The following DNAH9 variants were observed in gnomAD, a reference collection of about 807,000 sequenced individuals.
The protein encoded by DNAH9 is DNAH9 variant protein.
DNAH9 carries 345 observed loss-of-function variants against 471.6 expected under a neutral mutation model. The ratio of observed to expected loss-of-function variants is 0.73; its 90% CI spans 0.67 to 0.80. DNAH9 has a LOEUF of 0.80. Ranked by LOEUF, DNAH9 falls within the 30% of genes least tolerant of loss-of-function variation. DNAH9 has a pLI of 0.00. For missense variants in DNAH9, 5,407 were observed against 5,609.2 expected (o/e 0.96, Z 1.15); for synonymous variants, 2,093 against 2,123.6 (o/e 0.99, Z 0.40).
At chr17:11,673,605 T>TG (rs983387508) in intron 17 of DNAH9, among the ~76,000 whole-genome samples, 2 of 151,264 alleles carry the variant, frequency 1.3e-5, no homozygotes, top group African/African-American at 4.8e-5. Context: ...ATATTTGTTT[T>TG]TTTTTTTTTT....
At chr17:11,809,508 A>G (rs1969810882) in intron 44 of DNAH9, among the ~76,000 whole-genome samples, 1 of 152,054 alleles carries the variant, frequency 6.6e-6, no homozygotes, top group African/African-American at 2.4e-5. Flanking sequence ...CGGAGCTTGC[A>G]GTGAGCCGAG....
chr17:11,635,996 A>G (rs9907523), intron 8 of DNAH9, among the ~76,000 whole-genome samples: 21,503 of 73,978 alleles, frequency 0.29, 4,362 homozygotes, highest in African/African-American at 0.59. Context: ...TTGTTTGTTT[A>G]TTTGTTTGTT....
chr17:11,743,043 T>G (rs1423641090), intron 30 of DNAH9, among the ~76,000 whole-genome samples: 1 of 152,092 alleles, frequency 6.6e-6, no homozygotes, highest in African/African-American at 2.4e-5. Flanking sequence ...TCTTCTGAGC[T>G]CTAAACCTGT....
At chr17:11,814,643 T>A (rs535928929) in intron 45 of DNAH9, among the ~76,000 whole-genome samples, 1 of 152,314 alleles carries the variant, frequency 6.6e-6, no homozygotes, top group South Asian at 2.1e-4. Context: ...TTATAACCAA[T>A]GGGGTCCCTC....
chr17:11,814,220 CTAATT>C (rs1463073568), intron 45 of DNAH9, among the ~76,000 whole-genome samples: 2 of 152,158 alleles, frequency 1.3e-5, no homozygotes, highest in African/African-American at 2.4e-5. Context: ...AGTCCCCACT[CTAATT>C]TAGAGGGAAA....
intron 67 of DNAH9, among the ~76,000 whole-genome samples, chr17:11,946,531 G>T (rs1975129166): frequency 6.6e-6 from 1 of 150,994 alleles, no homozygotes. Context: ...AGGCGTGGTG[G>T]CAGGCACCTG....
intron 63 of DNAH9, 92 bp downstream of exon 63, chr17:11,930,185 G>A: frequency 8.8e-7 from 1 of 1,141,312 alleles, no homozygotes; most frequent in South Asian, 1.5e-5. Flanking sequence ...TCAGAAGGGA[G>A]TCGGGTGCTG....
At chr17:11,802,892 G>A (rs1969520009) in intron 43 of DNAH9, among the ~76,000 whole-genome samples, 1 of 152,136 alleles carries the variant, frequency 6.6e-6, no homozygotes, top group African/African-American at 2.4e-5. Flanking sequence ...CTCAGTAACA[G>A]AGCACTGTGT....
intron 62 of DNAH9, among the ~76,000 whole-genome samples, chr17:11,926,461 T>A (rs563659391): frequency 3.3e-5 from 5 of 152,288 alleles, no homozygotes; most frequent in Middle Eastern, 3.4e-3. Context: ...CGTGTGTCCA[T>A]GTGTTCTCAT....
intron 50 of DNAH9, among the ~76,000 whole-genome samples, chr17:11,855,206 A>C (rs1971584079): frequency 1.3e-5 from 2 of 152,144 alleles, no homozygotes; most frequent in Admixed American, 1.3e-4. Flanking sequence ...CCAGCCCAGA[A>C]TCCAGCTTCA....
intron 19 of DNAH9, among the ~76,000 whole-genome samples, chr17:11,686,257 C>A (rs747282022): frequency 7.9e-5 from 12 of 152,128 alleles, no homozygotes; most frequent in Non-Finnish European, 1.0e-4. Context: ...CTGGGTCAGG[C>A]CTGAATCAGT....
At chr17:11,895,011 C>T (rs977157467) in intron 59 of DNAH9, among the ~76,000 whole-genome samples, 2 of 152,164 alleles carry the variant, frequency 1.3e-5, no homozygotes, top group Non-Finnish European at 2.9e-5. Context: ...ATTCTCTGTC[C>T]ACCTGGGCAA....
At chr17:11,834,562 C>A in intron 48 of DNAH9, 76 bp from the exon 49 acceptor site, 8 of 1,564,862 alleles carry the variant, frequency 5.1e-6, no homozygotes, top group Non-Finnish European at 7.0e-6. Context: ...TCATGCCCAA[C>A]AGGCCAGTGA....
chr17:11,853,915 C>T lies in DNAH9; in HGVS notation c.9508-88C>T, dbSNP rs554041752. 1.3e-4 allele frequency: 164 copies of T among 1,304,526 alleles called. No homozygotes were observed. In the East Asian group the frequency reaches 2.4e-3, roughly 19 times the overall value. 80.8% of individuals were successfully genotyped at this position (1,304,526 alleles called of 1,614,324 possible). A position where few individuals can be genotyped will look rare whatever the true frequency, so the allele number is the denominator to read the frequency against. On this transcript the variant is annotated intron_variant, in intron 49 of 68. Coordinates refer to ENST00000262442, the MANE Select transcript of DNAH9 (RefSeq NM_001372.4). ...AGGCTTCAAAGCAGCCCTTTCAAAC[C>T]GATCGCTCCACAACCTAACTCCATC...
At chr17:11,689,337 C>G (rs1328157797) in intron 19 of DNAH9, among the ~76,000 whole-genome samples, 1 of 149,642 alleles carries the variant, frequency 6.7e-6, no homozygotes, top group Non-Finnish European at 1.5e-5. Context: ...TCTTCCAATG[C>G]CCACTCCACC....
At chr17:11,774,627 A>C (rs1968347941) in intron 38 of DNAH9, among the ~76,000 whole-genome samples, 1 of 152,146 alleles carries the variant, frequency 6.6e-6, no homozygotes, top group Admixed American at 6.6e-5. Context: ...ATTACCTCCC[A>C]CCAGGTAGGA....
At chr17:11,686,056 G>A (rs111958308) in intron 19 of DNAH9, among the ~76,000 whole-genome samples, 10 of 151,982 alleles carry the variant, frequency 6.6e-5, no homozygotes, top group African/African-American at 1.2e-4. Context: ...CACCCGCCTC[G>A]GCCTCCAAAA....
At chr17:11,639,661 G>A (rs1378888624) in intron 9 of DNAH9, among the ~76,000 whole-genome samples, 1 of 152,204 alleles carries the variant, frequency 6.6e-6, no homozygotes, top group Non-Finnish European at 1.5e-5. Flanking sequence ...CTGTTTAAGG[G>A]AGTGTTTCAA....
intron 14 of DNAH9, among the ~76,000 whole-genome samples, chr17:11,654,218 T>G (rs2073577674): frequency 1.0e-5 from 1 of 99,550 alleles, no homozygotes; most frequent in South Asian, 3.5e-4. Flanking sequence ...TAGCCGGGCG[T>G]GATGGCGGGC....
Sources: allele counts gnomAD v4.1 joint callset (sites outside exome capture counted in the v4.1 genomes callset), GRCh38; gene constraint gnomAD v4.1.1; transcripts MANE v1.5; gene names NCBI Gene and HGNC (gene_info 2026-07-23, HGNC 2026-07-21).